KLF12: variants seen among roughly 807,000 people sequenced by gnomAD.
KLF12 encodes the protein Krueppel-like factor 12.
Under a neutral mutation model 37.8 loss-of-function variants are expected in KLF12, and 9 were observed. The observed-to-expected ratio is 0.24, with a 90% confidence interval of 0.14 to 0.42. KLF12 has a LOEUF of 0.42. KLF12 is among the 10% of genes least tolerant of loss of function. KLF12 has a pLI of 1.00. For missense variants in KLF12, 411 were observed against 516.0 expected, an observed-to-expected ratio of 0.80 and a Z score of 1.97; for synonymous variants, 208 against 202.1, an observed-to-expected ratio of 1.03 and a Z score of -0.25.
chr13:74,043,819 C>T (rs967218185), intron 1 of KLF12, among the ~76,000 whole-genome samples: 12 of 152,164 alleles, frequency 7.9e-5, no homozygotes, highest in African/African-American at 1.7e-4. Flanking sequence ...ACAGCAATTG[C>T]TGTGTGGGTT....
intron 6 of KLF12, among the ~76,000 whole-genome samples, chr13:73,739,620 C>G (rs183841179): frequency 1.3e-5 from 2 of 149,810 alleles, no homozygotes; most frequent in Middle Eastern, 3.4e-3. Context: ...CCATGTATGT[C>G]CTTTATTCCA....
upstream of KLF12, among the ~76,000 whole-genome samples, chr13:74,138,378 C>T (rs1276824621): frequency 6.6e-6 from 1 of 152,050 alleles, no homozygotes; most frequent in African/African-American, 2.4e-5. Flanking sequence ...GTTTTCAAGC[C>T]TCTATTTTTC....
intron 3 of KLF12, among the ~76,000 whole-genome samples, chr13:73,863,386 G>A (rs7336762): frequency 0.067 from 10,201 of 152,044 alleles, 437 homozygotes; most frequent in South Asian, 0.16. Context: ...CTCTTGTTCC[G>A]TGACCATAAG....
At chr13:74,072,364 AAT>A (rs773653636) in intron 1 of KLF12, among the ~76,000 whole-genome samples, 2,422 of 62,914 alleles carry the variant, frequency 0.038, 33 homozygotes, top group Non-Finnish European at 0.049. Flanking sequence ...AAGAAATACA[AAT>A]ATATATATAT....
intron 1 of KLF12, among the ~76,000 whole-genome samples, chr13:74,133,160 T>C (rs1028070716): frequency 6.6e-6 from 1 of 152,142 alleles, no homozygotes; most frequent in Non-Finnish European, 1.5e-5. Context: ...CAATAATGAA[T>C]GTAGCACCAG....
chr13:73,964,932 A>G (rs549103607), intron 2 of KLF12, among the ~76,000 whole-genome samples: 1 of 152,342 alleles, frequency 6.6e-6, no homozygotes, highest in Admixed American at 6.5e-5. Context: ...GCCAAAGACA[A>G]AACAGGACTG....
At chr13:74,199,728 A>G in the KLF12 span, among the ~76,000 whole-genome samples, 111 of 152,322 alleles carry the variant, frequency 7.3e-4, no homozygotes, top group African/African-American at 2.1e-3. Flanking sequence ...ATACATGATC[A>G]GATAGAAAGT....
At chr13:73,789,961 C>T (rs1381887758) in intron 5 of KLF12, among the ~76,000 whole-genome samples, 2 of 152,136 alleles carry the variant, frequency 1.3e-5, no homozygotes, top group East Asian at 3.9e-4. Flanking sequence ...CAGGTGTGAG[C>T]CACCGTGCCT....
chr13:73,947,468 T>C (rs990972912), intron 2 of KLF12, among the ~76,000 whole-genome samples: 1 of 151,916 alleles, frequency 6.6e-6, no homozygotes, highest in Non-Finnish European at 1.5e-5. Context: ...CTGGCCAACA[T>C]AGTCAAACTC....
chr13:73,832,605 GCGGTTTACTTAATA>G (rs962049348), intron 4 of KLF12, among the ~76,000 whole-genome samples: 5 of 152,196 alleles, frequency 3.3e-5, no homozygotes, highest in African/African-American at 1.2e-4. Context: ...GATTCGTGCT[GCGGTTTACTTAATA>G]CGTTTTTAAG....
chr13:73,955,035 T>C (rs1890788630), intron 2 of KLF12, among the ~76,000 whole-genome samples: 2 of 152,338 alleles, frequency 1.3e-5, no homozygotes, highest in South Asian at 2.1e-4. Context: ...TCCAGGTGTA[T>C]GAGACTTTCT....
chr13:74,253,873 C>T, the KLF12 span, among the ~76,000 whole-genome samples: 1 of 152,132 alleles, frequency 6.6e-6, no homozygotes, highest in East Asian at 1.9e-4. Flanking sequence ...CTCCATAGTG[C>T]ACATTAGCTT....
At chr13:73,795,441 T>A (rs1195055210) in intron 5 of KLF12, among the ~76,000 whole-genome samples, 2 of 152,238 alleles carry the variant, frequency 1.3e-5, no homozygotes, top group Non-Finnish European at 2.9e-5. Flanking sequence ...AAATGTTCAA[T>A]ACACACTGAA....
At chr13:74,203,045 A>G in the KLF12 span, among the ~76,000 whole-genome samples, 1 of 152,136 alleles carries the variant, frequency 6.6e-6, no homozygotes, top group Non-Finnish European at 1.5e-5. Context: ...ATTTATTATT[A>G]AACTCTCAGT....
chr13:73,707,224 C>T (rs1466349197), intron 7 of KLF12, among the ~76,000 whole-genome samples: 2 of 152,156 alleles, frequency 1.3e-5, no homozygotes, highest in African/African-American at 2.4e-5. Flanking sequence ...CCCATGTCCA[C>T]GTGCCCTAAC....
At chr13:73,954,738 T>G (rs547288636) in intron 2 of KLF12, among the ~76,000 whole-genome samples, 17 of 152,326 alleles carry the variant, frequency 1.1e-4, no homozygotes, top group African/African-American at 3.6e-4. Flanking sequence ...TGACCCAATA[T>G]ATAATCTATC....
chr13:73,982,913 T>C (rs1891725100), intron 2 of KLF12, among the ~76,000 whole-genome samples: 1 of 152,170 alleles, frequency 6.6e-6, no homozygotes, highest in Admixed American at 6.5e-5. Flanking sequence ...TTCATTTTTC[T>C]TTCTTCTGTC....
intron 1 of KLF12, among the ~76,000 whole-genome samples, chr13:74,053,672 A>C (rs1451916479): frequency 6.6e-6 from 1 of 152,184 alleles, no homozygotes; most frequent in Non-Finnish European, 1.5e-5. Flanking sequence ...CATGCCTGGA[A>C]AATTGGACTC....
chr13:74,134,550 T>G (rs1418690471), upstream of KLF12, among the ~76,000 whole-genome samples: 1 of 109,824 alleles, frequency 9.1e-6, no homozygotes. Flanking sequence ...GCCCCACCCC[T>G]GCCCCCGCCC....
Sources: allele counts gnomAD v4.1 joint callset (sites outside exome capture counted in the v4.1 genomes callset), GRCh38; gene constraint gnomAD v4.1.1; transcripts MANE v1.5; gene names NCBI Gene and HGNC (gene_info 2026-07-23, HGNC 2026-07-21).